The following DLG2 variants were observed in gnomAD, a reference collection of about 807,000 sequenced individuals.
DLG2 encodes the protein disks large homolog 2.
A neutral mutation model predicts 132.5 loss-of-function variants in DLG2; 45 were observed. The observed-to-expected ratio is 0.34, with a 90% CI of 0.27 to 0.44. DLG2 has a LOEUF of 0.44. Among genes scored for constraint, DLG2 ranks in the 20% least tolerant of loss-of-function variants. The probability of loss-of-function intolerance (pLI) is 1.00; values close to 1 mark genes in which losing one functional copy is unlikely to be tolerated. For synonymous variants in DLG2, 424 were observed against 419.6 expected (o/e 1.01, Z -0.13); for missense variants, 1,045 against 1,196.9 (o/e 0.87, Z 1.87).
chr11:85,035,004 A>ACT (rs1161084859), intron 6 of DLG2, among the ~76,000 whole-genome samples: 1 of 151,994 alleles, frequency 6.6e-6, no homozygotes, highest in African/African-American at 2.4e-5. Flanking sequence ...AACAGAAGGC[A>ACT]CTCTTTTGAT....
At chr11:84,980,103 T>A (rs1273791059) in intron 6 of DLG2, among the ~76,000 whole-genome samples, 3 of 152,158 alleles carry the variant, frequency 2.0e-5, no homozygotes, top group Non-Finnish European at 1.5e-5. Context: ...CTCTAAATAT[T>A]TAACTAAATA....
chr11:84,721,332 C>G (rs539902143), intron 6 of DLG2, among the ~76,000 whole-genome samples: 14 of 152,248 alleles, frequency 9.2e-5, no homozygotes, highest in Admixed American at 2.0e-4. Context: ...GGTAGGGAAG[C>G]GGCCTCAGAA....
chr11:83,816,952 T>A (rs1009156756), intron 17 of DLG2, among the ~76,000 whole-genome samples: 5 of 148,776 alleles, frequency 3.4e-5, no homozygotes, highest in African/African-American at 1.3e-4. Flanking sequence ...TACCTAACAT[T>A]GTGTCCTGCG....
At chr11:84,368,831 CAATA>C (rs1347724218) in intron 7 of DLG2, among the ~76,000 whole-genome samples, 1 of 151,938 alleles carries the variant, frequency 6.6e-6, no homozygotes, top group East Asian at 1.9e-4. Flanking sequence ...GTTTGAAACC[CAATA>C]AATATTCATC....
chr11:84,441,449 T>C (rs2099017092), intron 7 of DLG2, among the ~76,000 whole-genome samples: 1 of 152,170 alleles, frequency 6.6e-6, no homozygotes, highest in Non-Finnish European at 1.5e-5. Context: ...AAGGGTGGAA[T>C]ATATAGTACG....
chr11:84,922,599 T>G (rs962625651), intron 6 of DLG2, among the ~76,000 whole-genome samples: 2 of 152,130 alleles, frequency 1.3e-5, no homozygotes, highest in Non-Finnish European at 2.9e-5. Context: ...TTTGTTGATA[T>G]GCACAGGATG....
chr11:85,276,158 C>A (rs1195010864), intron 4 of DLG2, among the ~76,000 whole-genome samples: 1 of 152,122 alleles, frequency 6.6e-6, no homozygotes, highest in Non-Finnish European at 1.5e-5. Flanking sequence ...GCCTCCTGAA[C>A]AAATCTTACT....
chr11:84,616,299 A>G (rs2099604340), intron 6 of DLG2, among the ~76,000 whole-genome samples: 2 of 152,226 alleles, frequency 1.3e-5, no homozygotes, highest in Non-Finnish European at 1.5e-5. Context: ...TTAATAAACT[A>G]TAAAGTTTGT....
intron 6 of DLG2, among the ~76,000 whole-genome samples, chr11:84,691,387 A>G (rs1248221573): frequency 6.6e-6 from 1 of 151,844 alleles, no homozygotes; most frequent in Non-Finnish European, 1.5e-5. Context: ...TTTACTGGCT[A>G]AAATTCTACG....
chr11:84,102,693 T>C (rs551101623), intron 9 of DLG2, among the ~76,000 whole-genome samples: 1 of 152,266 alleles, frequency 6.6e-6, no homozygotes, highest in African/African-American at 2.4e-5. Flanking sequence ...TTTAAAGGAT[T>C]CTTTTGGGAC....
At chr11:83,864,559 C>T (rs1167288995) in intron 16 of DLG2, among the ~76,000 whole-genome samples, 1 of 152,060 alleles carries the variant, frequency 6.6e-6, no homozygotes, top group Non-Finnish European at 1.5e-5. Context: ...ATCCATTGGT[C>T]AATAAAGGTT....
At chr11:83,804,465 C>G (rs191023881) in intron 17 of DLG2, among the ~76,000 whole-genome samples, 67 of 151,868 alleles carry the variant, frequency 4.4e-4, no homozygotes, top group Non-Finnish European at 8.5e-4. Flanking sequence ...ACTTGAAGAA[C>G]ATTATAATAA....
chr11:84,993,630 G>A (rs1306349176), intron 6 of DLG2, among the ~76,000 whole-genome samples: 1 of 152,178 alleles, frequency 6.6e-6, no homozygotes, highest in African/African-American at 2.4e-5. Context: ...AGGAGGGTCA[G>A]CAGAAGTTTA....
intron 15 of DLG2, among the ~76,000 whole-genome samples, chr11:83,894,764 CT>C (rs941668274): frequency 8.5e-5 from 13 of 152,194 alleles, no homozygotes; most frequent in African/African-American, 2.9e-4. Context: ...TCTAACTATA[CT>C]TTTTTTACCT....
chr11:85,514,421 T>G (rs542689424), intron 3 of DLG2, among the ~76,000 whole-genome samples: 39 of 151,994 alleles, frequency 2.6e-4, no homozygotes, highest in Non-Finnish European at 4.9e-4. Context: ...ATGCTTTTAT[T>G]ATTTTACCTT....
intron 7 of DLG2, among the ~76,000 whole-genome samples, chr11:84,502,417 T>A (rs1162843190): frequency 7.3e-6 from 1 of 136,806 alleles, no homozygotes; most frequent in Non-Finnish European, 1.5e-5. Flanking sequence ...TTTCTTTCTA[T>A]ACAGAGTCTC....
intron 3 of DLG2, among the ~76,000 whole-genome samples, chr11:85,574,295 T>A (rs1428512122): frequency 6.6e-6 from 1 of 152,022 alleles, no homozygotes; most frequent in Non-Finnish European, 1.5e-5. Flanking sequence ...ATCTCCCTGG[T>A]ACCCCAAATT....
At chr11:85,035,980 AG>A (rs1237732867) in intron 6 of DLG2, among the ~76,000 whole-genome samples, 5 of 152,206 alleles carry the variant, frequency 3.3e-5, no homozygotes, top group Non-Finnish European at 5.9e-5. Context: ...AGAATAAAAA[AG>A]GTTTCAAAAT....
At chr11:85,055,485 A>G (rs957165034) in intron 6 of DLG2, among the ~76,000 whole-genome samples, 1 of 152,186 alleles carries the variant, frequency 6.6e-6, no homozygotes. Flanking sequence ...GTTAGAAGCT[A>G]GTGCTAAGCA....
Sources: allele counts gnomAD v4.1 joint callset (sites outside exome capture counted in the v4.1 genomes callset), GRCh38; gene constraint gnomAD v4.1.1; transcripts MANE v1.5; gene names NCBI Gene and HGNC (gene_info 2026-07-23, HGNC 2026-07-21).